Variants in NPL observed in about 807,000 individuals in gnomAD.
NPL encodes N-acetylneuraminate pyruvate lyase.
In NPL, 32 loss-of-function variants were observed where a neutral mutation model predicts 41.1. The ratio of observed to expected loss-of-function variants is 0.78; its 90% CI spans 0.59 to 1.05. The LOEUF (loss-of-function observed/expected upper bound fraction) is 1.05. Ranked by LOEUF, NPL falls within the 50% of genes least tolerant of loss-of-function variation. NPL has a pLI of 0.00. For synonymous variants in NPL, 128 were observed against 134.9 expected (o/e 0.95, Z 0.35); for missense variants, 321 against 378.4 (o/e 0.85, Z 1.26).
rs1305535538 is a variant in NPL at position 182,812,230 on chromosome 1, A to T, written c.288+17A>T. ...CAGGAACTGGTATGTATGCAGTTCC[A>T]TCTGGGAGAGACCATTCAAGGGGCC... On this transcript the variant is annotated intron_variant, in intron 6 of 12. Coordinates refer to ENST00000367553, the MANE Select transcript of NPL (RefSeq NM_030769.3). 1 of 1,608,756 alleles carries T rather than the reference A, an allele frequency of 6.2e-7. No homozygotes were observed. Among genetic ancestry groups the T allele is most frequent in the Non-Finnish European group, 8.5e-7 (1 of 1,175,174 alleles).
At chr1:182,807,821 G>A (rs1014634339) in intron 5 of NPL, among the ~76,000 whole-genome samples, 2 of 150,708 alleles carry the variant, frequency 1.3e-5, no homozygotes, top group African/African-American at 4.9e-5. Flanking sequence ...AACCTGGGAG[G>A]TGGAGCTTGC....
intron 10 of NPL, among the ~76,000 whole-genome samples, chr1:182,821,279 G>A (rs1667480302): frequency 6.6e-6 from 1 of 152,146 alleles, no homozygotes; most frequent in African/African-American, 2.4e-5. Flanking sequence ...AAGAACTTGG[G>A]GAAATATCCT....
At chr1:182,797,132 C>G (rs1666696542) in intron 3 of NPL, among the ~76,000 whole-genome samples, 1 of 151,952 alleles carries the variant, frequency 6.6e-6, no homozygotes, top group African/African-American at 2.4e-5. Context: ...GCAGTCCTCT[C>G]ATGTCATTGG....
chr1:182,818,768 T>C (rs373276459), intron 9 of NPL, 45 bp from the exon 10 acceptor site: 1 of 1,613,768 alleles, frequency 6.2e-7, no homozygotes, highest in African/African-American at 1.3e-5. Flanking sequence ...GCATCTCTTC[T>C]CTTTCTCTTT....
intron 10 of NPL, among the ~76,000 whole-genome samples, chr1:182,820,941 A>G (rs1458294275): frequency 6.6e-6 from 1 of 152,200 alleles, no homozygotes; most frequent in African/African-American, 2.4e-5. Flanking sequence ...TTTGTCCTCC[A>G]TACTAGGCAT....
At chr1:182,824,977 A>G (rs770472729) in intron 11 of NPL, among the ~76,000 whole-genome samples, 19 of 152,234 alleles carry the variant, frequency 1.2e-4, no homozygotes, top group Non-Finnish European at 2.2e-4. Context: ...TAAGTTAGAT[A>G]ATAATGGAAG....
At chr1:182,795,539 T>A (rs934060661) in intron 3 of NPL, among the ~76,000 whole-genome samples, 4 of 152,200 alleles carry the variant, frequency 2.6e-5, no homozygotes, top group Non-Finnish European at 5.9e-5. Flanking sequence ...TCTTTTAGTA[T>A]TCTCCTTCAA....
intron 3 of NPL, among the ~76,000 whole-genome samples, chr1:182,797,248 C>T (rs1458122506): frequency 6.6e-6 from 1 of 152,176 alleles, no homozygotes; most frequent in Non-Finnish European, 1.5e-5. Flanking sequence ...TAAATCTGAT[C>T]ATGTCACTCT....
chr1:182,811,166 A>T (rs915701712), intron 5 of NPL, among the ~76,000 whole-genome samples: 1 of 152,190 alleles, frequency 6.6e-6, no homozygotes, highest in Non-Finnish European at 1.5e-5. Flanking sequence ...TCTGACACAT[A>T]AATTGATTCT....
intron 3 of NPL, among the ~76,000 whole-genome samples, chr1:182,800,154 G>A (rs1253712959): frequency 6.6e-6 from 1 of 152,118 alleles, no homozygotes; most frequent in Non-Finnish European, 1.5e-5. Context: ...TGAAGGGACA[G>A]GCTGGGCATG....
intron 3 of NPL, among the ~76,000 whole-genome samples, chr1:182,801,956 A>G (rs773166558): frequency 6.6e-6 from 1 of 152,096 alleles, no homozygotes; most frequent in Non-Finnish European, 1.5e-5. Flanking sequence ...CCCCCATACA[A>G]TTACTTTTTG....
intron 3 of NPL, among the ~76,000 whole-genome samples, chr1:182,801,278 C>G (rs185723424): frequency 1.3e-5 from 2 of 152,258 alleles, no homozygotes; most frequent in East Asian, 3.9e-4. Context: ...CAGCAACCTA[C>G]TTTCTCCTTT....
In NPL at chr1:182,816,394, G is replaced by A. The variant is rs552797377; in HGVS notation, c.365-320G>A. ...ACACTTAGCCTTTTTGGGGTAAGACGACAAGAGTCTCACATGATGGACTTG... is the reference window on the plus strand; with the variant it reads ...ACACTTAGCCTTTTTGGGGTAAGACAACAAGAGTCTCACATGATGGACTTG... On this transcript the variant is annotated intron_variant, in intron 7 of 12. Transcript: ENST00000367553. Among the ~76,000 whole-genome samples, 29 of 151,638 alleles carry A rather than the reference G, an allele frequency of 1.9e-4. 1 individual carries two copies. In the South Asian group the frequency reaches 5.8e-3, roughly 30 times the overall value.
intron 11 of NPL, among the ~76,000 whole-genome samples, chr1:182,822,600 A>G (rs1473559432): frequency 6.6e-6 from 1 of 152,224 alleles, no homozygotes; most frequent in African/African-American, 2.4e-5. Flanking sequence ...AAAATGGGGA[A>G]GGCTTCATTC....
rs534997209 is a variant in NPL at position 182,790,775 on chromosome 1, C to T, written c.-72+970C>T. On this transcript the variant is annotated intron_variant, in intron 1 of 12. Coordinates refer to ENST00000367553, the MANE Select transcript of NPL (RefSeq NM_030769.3). ...TCTCCTGCCTCAGCCTCCCGAGTAG[C>T]TGGGACTACAGGCTCCCGCCACCAC... is the stretch of plus-strand genomic sequence containing the variant. Among the ~76,000 whole-genome samples the T allele has an allele frequency of 5.1e-3, 774 of 152,290 alleles. 8 individuals are homozygous for T. Among genetic ancestry groups the T allele is most frequent in the African/African-American group, 0.018 (734 of 41,564 alleles).
At chr1:182,794,503 T>G in intron 3 of NPL, 64 bp downstream of exon 3, 1 of 1,508,170 alleles carries the variant, frequency 6.6e-7, no homozygotes, top group Non-Finnish European at 9.2e-7. Flanking sequence ...GAGAAGTTCT[T>G]TGTAACAACA....
At chr1:182,822,690 C>G (rs1216799962) in intron 11 of NPL, among the ~76,000 whole-genome samples, 1 of 152,114 alleles carries the variant, frequency 6.6e-6, no homozygotes, top group Non-Finnish European at 1.5e-5. Flanking sequence ...AAATAAGAGC[C>G]TAGTGGGTGA....
At chr1:182,817,413 G>A (rs1191561188) in intron 8 of NPL, among the ~76,000 whole-genome samples, 3 of 152,104 alleles carry the variant, frequency 2.0e-5, no homozygotes, top group African/African-American at 4.8e-5. Flanking sequence ...CAAACTCAAC[G>A]CAAAACATTT....
chr1:182,828,740 G>A lies in NPL; in HGVS notation c.795G>A (p.Gln265=). 3.1e-6 allele frequency: 5 copies of A among 1,614,160 alleles called. No individual in the cohort carries two copies. The highest frequency in any genetic ancestry group is 4.2e-6 in the Non-Finnish European group (5 of 1,180,018). ...CCCGTCTAGGTTTTGGAGTGTCACA[G>A]ACCAAAGCCATCATGACTCTGGTCT... ...FVVKLGFGVS[Q]TKAIMTLVSG... is the part of the protein sequence containing the mutation. The change falls in exon 13 of 13, where the codon CAG becomes CAA. Residue 265 remains glutamine, a synonymous_variant. Coordinates refer to ENST00000367553, the MANE Select transcript of NPL (RefSeq NM_030769.3). This position sits in a 1 kb window ranked among gnomAD's most constrained non-coding sequence, Gnocchi z 4.0.
Sources: allele counts gnomAD v4.1 joint callset (sites outside exome capture counted in the v4.1 genomes callset), GRCh38; gene constraint gnomAD v4.1.1; non-coding constraint Gnocchi (gnomAD v3.1); transcripts MANE v1.5; gene names NCBI Gene and HGNC (gene_info 2026-07-23, HGNC 2026-07-21).